The following HADH variants were observed in gnomAD, a reference collection of about 807,000 sequenced individuals.
The protein encoded by HADH is hydroxyacyl-CoA dehydrogenase.
HADH carries 24 observed loss-of-function variants against 32.2 expected under a neutral mutation model. That is an observed-to-expected ratio of 0.75 (90% CI 0.54 to 1.05). The LOEUF (loss-of-function observed/expected upper bound fraction) is 1.05. Ranked by LOEUF, HADH falls within the 50% of genes least tolerant of loss-of-function variation. The pLI is 0.00. For missense variants in HADH, 350 were observed against 397.1 expected, an observed-to-expected ratio of 0.88 and a Z score of 1.01; for synonymous variants, 139 against 152.5, an observed-to-expected ratio of 0.91 and a Z score of 0.65.
intron 1 of HADH, among the ~76,000 whole-genome samples, chr4:107,997,854 C>A (rs1219914880): frequency 1.3e-5 from 2 of 152,078 alleles, no homozygotes; most frequent in East Asian, 3.9e-4. Context: ...TTTTGCAGTT[C>A]ATTTCTCCAC....
chr4:107,997,820 A>C (rs1735000417), intron 1 of HADH, among the ~76,000 whole-genome samples: 1 of 152,188 alleles, frequency 6.6e-6, no homozygotes, highest in South Asian at 2.1e-4. Context: ...TGTCTATGAA[A>C]GGAGAAGAAG....
At chr4:108,018,378 C>T (rs1307101562) in intron 3 of HADH, among the ~76,000 whole-genome samples, 2 of 151,980 alleles carry the variant, frequency 1.3e-5, no homozygotes, top group East Asian at 3.9e-4. Flanking sequence ...CCCCAATGAC[C>T]AAAAGCAAGA....
chr4:108,020,734 G>C (rs142467028), intron 4 of HADH, among the ~76,000 whole-genome samples: 36 of 152,284 alleles, frequency 2.4e-4, no homozygotes, highest in African/African-American at 8.4e-4. Context: ...CTGAGGTTGA[G>C]GAGTTATTGC....
At chr4:108,019,763 A>G in intron 4 of HADH, 97 bp downstream of exon 4, 3 of 1,439,848 alleles carry the variant, frequency 2.1e-6, no homozygotes, top group South Asian at 2.3e-5. Context: ...GTTGCCTAGG[A>G]TGGGTTTTAA....
At chr4:108,021,669 C>T (rs1308164048) in intron 4 of HADH, among the ~76,000 whole-genome samples, 1 of 152,158 alleles carries the variant, frequency 6.6e-6, no homozygotes, top group African/African-American at 2.4e-5. Context: ...CTATTATTAA[C>T]TCCCTTAAAC....
chr4:108,004,286 G>T (rs948732218), intron 1 of HADH, among the ~76,000 whole-genome samples: 2 of 152,244 alleles, frequency 1.3e-5, no homozygotes, highest in Non-Finnish European at 2.9e-5. Flanking sequence ...AGTGGCATGC[G>T]CAGCGTGGTG....
intron 2 of HADH, among the ~76,000 whole-genome samples, chr4:108,012,390 AT>A (rs1459724093): frequency 1.3e-5 from 2 of 152,166 alleles, no homozygotes; most frequent in African/African-American, 4.8e-5. Flanking sequence ...CAGCAAGACC[AT>A]TTTTACTTTC....
intron 6 of HADH, chr4:108,032,700 G>T: frequency 3.0e-6 from 1 of 330,166 alleles, no homozygotes; most frequent in Non-Finnish European, 5.7e-6. Context: ...TGAAAATCTT[G>T]GGCCACACAC....
At chr4:107,990,149 C>G in intron 1 of HADH, 85 bp downstream of exon 1, 1 of 1,381,812 alleles carries the variant, frequency 7.2e-7, no homozygotes, top group Admixed American at 2.1e-5. Context: ...CGCGAGGGGC[C>G]TGCACCCGCC....
intron 6 of HADH, chr4:108,030,892 T>C (rs2126240170): frequency 6.6e-6 from 1 of 152,364 alleles, no homozygotes; most frequent in Admixed American, 6.5e-5. Flanking sequence ...CTCTGCATTA[T>C]TGAGAACACG....
At chr4:108,013,276 G>A (rs932664485) in intron 2 of HADH, among the ~76,000 whole-genome samples, 13 of 152,192 alleles carry the variant, frequency 8.5e-5, no homozygotes, top group African/African-American at 3.1e-4. Context: ...CCATGCAGGG[G>A]ATGTTATGAG....
intron 1 of HADH, among the ~76,000 whole-genome samples, chr4:108,006,254 A>G (rs1188162227): frequency 2.0e-5 from 3 of 151,942 alleles, no homozygotes; most frequent in East Asian, 3.9e-4. Flanking sequence ...CAACAGGAAG[A>G]CTTTGGAACT....
In HADH at chr4:108,011,048, C is replaced by T. The variant is rs542993370; in HGVS notation, c.261+1161C>T. ...AGTTTTAGTAGAGATGGGGTTTCAC[C>T]ATGTTGGCCAGGATGGTTTCAATCT... On this transcript the variant is annotated intron_variant, in intron 2 of 7. Coordinates refer to ENST00000309522, the MANE Select transcript of HADH (RefSeq NM_005327.7). 5.3e-5 allele frequency among the ~76,000 whole-genome samples: 8 copies of T among 152,146 alleles called. No homozygotes were observed. The South Asian group carries it at 1.7e-3, about 32-fold the overall frequency.
chr4:108,011,211 C>T (rs1443240658), intron 2 of HADH, among the ~76,000 whole-genome samples: 3 of 152,154 alleles, frequency 2.0e-5, no homozygotes, highest in Non-Finnish European at 4.4e-5. Flanking sequence ...TTTAATATTC[C>T]ATTGGATTTA....
chr4:108,017,967 A>T (rs1735750507), intron 3 of HADH, among the ~76,000 whole-genome samples: 3 of 152,156 alleles, frequency 2.0e-5, no homozygotes, highest in African/African-American at 7.2e-5. Context: ...GCAGAAGCAG[A>T]GGTCTGCTGG....
At chr4:108,001,316 A>G (rs1735113732) in intron 1 of HADH, among the ~76,000 whole-genome samples, 1 of 152,228 alleles carries the variant, frequency 6.6e-6, no homozygotes, top group South Asian at 2.1e-4. Context: ...AGTTGGAAGT[A>G]TGAGAACGAT....
intron 6 of HADH, 67 bp from the exon 7 acceptor site, chr4:108,033,109 C>T: frequency 1.2e-6 from 1 of 822,890 alleles, no homozygotes; most frequent in Non-Finnish European, 2.2e-6. Flanking sequence ...AATTCTGGGG[C>T]TAATCCTGTG....
In HADH at chr4:108,019,596, C is replaced by G; in HGVS notation, c.476C>G (p.Ala159Gly). Residue 159 changes from alanine (A) to glycine (G), a missense_variant, in exon 4 of 8, where the codon GCC (alanine) becomes GGC (glycine). Transcript: ENST00000309522. ...TTGCAGATTACAAGCATAGCTAATG[C>G]CACCACCAGACAAGACCGATTCGCT... ...SSLQITSIAN[A>G]TTRQDRFAGL... The G allele has an allele frequency of 6.2e-7, 1 of 1,613,776 alleles. No homozygotes were observed. Among genetic ancestry groups the G allele is most frequent in the African/African-American group, 1.3e-5 (1 of 75,050 alleles).
intron 5 of HADH, chr4:108,026,049 T>A (rs992056365): frequency 2.0e-5 from 3 of 152,326 alleles, no homozygotes; most frequent in Admixed American, 6.5e-5. Context: ...TTATTTATTT[T>A]TTTATTTTTC....
Sources: gnomAD v4.1 joint callset for allele counts (sites outside exome capture counted in the v4.1 genomes callset) on GRCh38, gnomAD v4.1.1 for gene constraint, MANE v1.5 for transcripts, NCBI Gene and HGNC (gene_info 2026-07-23, HGNC 2026-07-21) for gene names.